KLHL6: variants seen among roughly 807,000 people sequenced by gnomAD.
KLHL6 encodes kelch-like protein 6.
In KLHL6, 41 loss-of-function variants were observed where a neutral mutation model predicts 58.6. The observed-to-expected ratio is 0.70, with a 90% CI of 0.55 to 0.91. The LOEUF is 0.91. Ranked by LOEUF, KLHL6 falls within the 40% of genes least tolerant of loss-of-function variation. The pLI, the probability that KLHL6 is intolerant of heterozygous loss-of-function variation, is 0.00. For synonymous variants in KLHL6, 338 were observed against 322.7 expected, an observed-to-expected ratio of 1.05 and a Z score of -0.51; for missense variants, 714 against 805.6, an observed-to-expected ratio of 0.89 and a Z score of 1.38.
chr3:183,492,780 C>A lies in KLHL6; in HGVS notation c.1351-73G>T. 7.2e-7 allele frequency: 1 copy of A among 1,385,912 alleles called. No homozygotes were observed. Among genetic ancestry groups the A allele is most frequent in the African/African-American group, 1.4e-5 (1 of 70,576 alleles). The allele number at this position is 1,385,912 out of a possible 1,614,324, so 85.9% of individuals were successfully genotyped here. A position where few individuals can be genotyped will look rare whatever the true frequency, so the allele number is the denominator to read the frequency against. ...GATTGCTGCAGTAGCTCCCAGGATA[C>A]AGGACAGAGCTCCGGGACACAGAAC... On this transcript the variant is annotated intron_variant, in intron 5 of 6. Transcript: ENST00000341319. The surrounding 1 kb of genome is among the most constrained non-coding windows in gnomAD (Gnocchi z 5.9).
Position 183,496,788 on chromosome 3 carries a change from A to T in KLHL6, c.1148-2507T>A, listed in dbSNP as rs192198672. On this transcript the variant is annotated intron_variant, in intron 4 of 6. Coordinates refer to ENST00000341319, the MANE Select transcript of KLHL6 (RefSeq NM_130446.4). ...GTTGATTTAGCCGTGTATAACAAGCATGCTTTCAGGTATTGCTTGTATCAT... is the reference window on the plus strand; with the variant it reads ...GTTGATTTAGCCGTGTATAACAAGCTTGCTTTCAGGTATTGCTTGTATCAT... Among the ~76,000 whole-genome samples the T allele has an allele frequency of 5.9e-5, 9 of 152,382 alleles. No individual in the cohort carries two copies. The East Asian group carries it at 1.7e-3, about 29-fold the overall frequency.
chr3:183,505,864 A>G (rs1717987331), intron 3 of KLHL6, among the ~76,000 whole-genome samples: 2 of 152,350 alleles, frequency 1.3e-5, no homozygotes, highest in African/African-American at 2.4e-5. Context: ...AAATAGTCCT[A>G]TATCTATTAA....
rs999060706 is a variant in KLHL6 at position 183,525,335 on chromosome 3, A to G, written c.459+2510T>C. On this transcript the variant is annotated intron_variant, in intron 2 of 6. Coordinates refer to ENST00000341319, the MANE Select transcript of KLHL6 (RefSeq NM_130446.4). Reference sequence around the variant, plus strand: ...TCTTACAATCCTAACCCGGGGGGGAAAATTTAGGAATACCTTAGGGAAATG... The same window carrying G: ...TCTTACAATCCTAACCCGGGGGGGAGAATTTAGGAATACCTTAGGGAAATG... Among the ~76,000 whole-genome samples the G allele has an allele frequency of 2.1e-4, 32 of 149,464 alleles. 1 individual carries two copies. The highest frequency in any genetic ancestry group is 7.6e-4 in the African/African-American group (31 of 40,776).
intron 5 of KLHL6, chr3:183,493,067 A>C: frequency 4.3e-6 from 1 of 230,994 alleles, no homozygotes; most frequent in South Asian, 6.8e-5. Flanking sequence ...TCCACTCGAA[A>C]AATATTTATG....
intron 2 of KLHL6, among the ~76,000 whole-genome samples, chr3:183,514,889 C>T (rs546425465): frequency 6.6e-6 from 1 of 152,166 alleles, no homozygotes; most frequent in African/African-American, 2.4e-5. Flanking sequence ...ATTCTGGTCT[C>T]GAACTCCTAA....
chr3:183,510,956 A>T (rs929336897), intron 2 of KLHL6, among the ~76,000 whole-genome samples: 2 of 152,072 alleles, frequency 1.3e-5, no homozygotes, highest in African/African-American at 4.8e-5. Context: ...ACCTGTGGGT[A>T]TTTCTCGTCA....
intron 1 of KLHL6, among the ~76,000 whole-genome samples, chr3:183,537,584 A>G (rs1712407470): frequency 6.6e-6 from 1 of 152,070 alleles, no homozygotes; most frequent in Non-Finnish European, 1.5e-5. Flanking sequence ...GCCCACCCCA[A>G]AATAGAGCCT....
intron 5 of KLHL6, chr3:183,493,064 G>GA (rs1477058953): frequency 8.5e-6 from 2 of 234,310 alleles, no homozygotes; most frequent in African/African-American, 4.6e-5. Flanking sequence ...TCATCCACTC[G>GA]AAAAATATTT....
chr3:183,531,542 C>T (rs776531656), intron 1 of KLHL6, among the ~76,000 whole-genome samples: 17 of 150,694 alleles, frequency 1.1e-4, no homozygotes, highest in Non-Finnish European at 2.1e-4. Context: ...CTCCACCTCC[C>T]GGGTTCACGC....
chr3:183,525,269 A>AAAAAACACACACACACACACACAC (rs55871319), intron 2 of KLHL6, among the ~76,000 whole-genome samples: 34 of 133,866 alleles, frequency 2.5e-4, no homozygotes, highest in African/African-American at 9.4e-4. Flanking sequence ...CTAAAAAAAA[A>AAAAAACACACACACACACACACAC]ACACACACAC....
chr3:183,550,376 A>G (rs1473653442), intron 1 of KLHL6, among the ~76,000 whole-genome samples: 1 of 152,182 alleles, frequency 6.6e-6, no homozygotes, highest in African/African-American at 2.4e-5. Context: ...TCTCCAGATT[A>G]AAAGGGTTCA....
chr3:183,496,510 T>C (rs996633211), intron 4 of KLHL6, among the ~76,000 whole-genome samples: 15 of 152,252 alleles, frequency 9.9e-5, no homozygotes, highest in Middle Eastern at 3.4e-3. Flanking sequence ...TGAAAAAATA[T>C]GTGTCTAAGA....
intron 2 of KLHL6, among the ~76,000 whole-genome samples, chr3:183,523,702 G>GT (rs11389888): frequency 0.68 from 79,818 of 117,358 alleles, 23,495 homozygotes; most frequent in East Asian, 0.85. Flanking sequence ...GTTGTTGTTT[G>GT]TTTTTTTTCC....
Position 183,492,622 on chromosome 3 carries a change from C to T in KLHL6, c.1436G>A (p.Gly479Glu). The stretch of plus-strand genomic sequence containing the variant: ...CTGAGTCTTGTCTGTGGCCAGTTTC[C>T]CATTGGGCCCTCCCCCGATCACATA... ...KLYVIGGGPN[G>E]KLATDKTQCY... The change falls in exon 6 of 7, where the codon GGG becomes GAG. Residue 479 changes from glycine (G) to glutamate (E), a missense_variant. Transcript: ENST00000341319. This position sits in a 1 kb window ranked among gnomAD's most constrained non-coding sequence, Gnocchi z 5.9. The T allele has an allele frequency of 1.2e-6, 2 of 1,614,154 alleles. No individual in the cohort carries two copies. The highest frequency in any genetic ancestry group is 1.7e-6 in the Non-Finnish European group (2 of 1,180,028).
chr3:183,540,698 C>A (rs932459318), intron 1 of KLHL6, among the ~76,000 whole-genome samples: 1 of 152,118 alleles, frequency 6.6e-6, no homozygotes, highest in Non-Finnish European at 1.5e-5. Flanking sequence ...GCCACCACAC[C>A]CGGCCCCATT....
chr3:183,532,500 A>T (rs1045252648), intron 1 of KLHL6, among the ~76,000 whole-genome samples: 10 of 152,262 alleles, frequency 6.6e-5, no homozygotes, highest in African/African-American at 9.6e-5. Flanking sequence ...AAGGGCATTG[A>T]TGCCCAAATA....
chr3:183,533,800 G>C (rs1712235579), intron 1 of KLHL6, among the ~76,000 whole-genome samples: 1 of 151,774 alleles, frequency 6.6e-6, no homozygotes, highest in African/African-American at 2.4e-5. Flanking sequence ...CTCTGTCCTT[G>C]TTGTTTTAAT....
intron 2 of KLHL6, among the ~76,000 whole-genome samples, chr3:183,527,519 A>G (rs1437373181): frequency 6.6e-6 from 1 of 152,166 alleles, no homozygotes; most frequent in Non-Finnish European, 1.5e-5. Context: ...GGCTCCAATT[A>G]AGCTTCTGCA....
intron 2 of KLHL6, among the ~76,000 whole-genome samples, chr3:183,527,147 A>C (rs1192050311): frequency 6.6e-6 from 1 of 152,022 alleles, no homozygotes; most frequent in East Asian, 1.9e-4. Context: ...AAGGATATTA[A>C]AGTTGTAAAC....
Sources: allele counts gnomAD v4.1 joint callset (sites outside exome capture counted in the v4.1 genomes callset), GRCh38; gene constraint gnomAD v4.1.1; non-coding constraint Gnocchi (gnomAD v3.1); transcripts MANE v1.5; gene names NCBI Gene and HGNC (gene_info 2026-07-23, HGNC 2026-07-21).